Variants in IQCH observed in about 807,000 individuals in gnomAD.
IQCH encodes IQ motif containing H.
A neutral mutation model predicts 117.0 loss-of-function variants in IQCH; 98 were observed. The ratio of observed to expected loss-of-function variants is 0.84; its 90% CI spans 0.71 to 0.99. IQCH has a LOEUF of 0.99. Among genes scored for constraint, IQCH ranks in the 50% least tolerant of loss-of-function variants. The pLI is 0.00. For missense variants in IQCH, 1,102 were observed against 1,243.8 expected (o/e 0.89, Z 1.72); for synonymous variants, 412 against 448.2 (o/e 0.92, Z 1.02).
rs2082140662 is a variant in IQCH, at chr15:67,436,551, G to A, written c.2505+14974G>A. ...GCTAAAGTTTGTAACAACTTGAACA[G>A]GGTGAGAAGCCTCCTGGCGAGAACT... On this transcript the variant is annotated intron_variant, in intron 16 of 20. Coordinates refer to ENST00000335894, the MANE Select transcript of IQCH (RefSeq NM_001031715.3). This position sits in a 1 kb window ranked among gnomAD's most constrained non-coding sequence, Gnocchi z 5.1. Among the ~76,000 whole-genome samples the A allele has an allele frequency of 1.3e-5, 2 of 152,190 alleles. No individual in the cohort carries two copies. Among genetic ancestry groups the A allele is most frequent in the Non-Finnish European group, 2.9e-5 (2 of 68,026 alleles).
chr15:67,362,477 C>T lies in IQCH; in HGVS notation c.753+2592C>T, dbSNP rs534000669. On this transcript the variant is annotated intron_variant, in intron 8 of 20. Transcript: ENST00000335894. ...CAATTGTTACTTTCTTTAGTATTTT[C>T]CCACCATATACTTCTGATCCTGTCA... Among the ~76,000 whole-genome samples, 182 of 152,220 alleles carry T rather than the reference C, an allele frequency of 1.2e-3. 1 individual carries two copies. The South Asian group carries it at 0.034, about 29-fold the overall frequency.
At chr15:67,328,326 C>T (rs772282694) in intron 4 of IQCH, among the ~76,000 whole-genome samples, 3 of 152,078 alleles carry the variant, frequency 2.0e-5, no homozygotes, top group Admixed American at 6.5e-5. Flanking sequence ...TGCTCCTTCC[C>T]GGAAAGTCTT....
intron 15 of IQCH, among the ~76,000 whole-genome samples, chr15:67,419,355 C>T (rs1442211287): frequency 6.6e-6 from 1 of 152,076 alleles, no homozygotes; most frequent in Admixed American, 6.6e-5. Context: ...TACAGCAGGC[C>T]CTGCATCAAT....
At chr15:67,287,809 GTTCT>G (rs1320105380) in intron 4 of IQCH, among the ~76,000 whole-genome samples, 1 of 151,676 alleles carries the variant, frequency 6.6e-6, no homozygotes, top group African/African-American at 2.4e-5. Flanking sequence ...TGATTTTCTA[GTTCT>G]TTAAGATGTA....
chr15:67,327,977 ATAGCCACTCTGCCTCTCATAGTC>A (rs966109863), intron 4 of IQCH, among the ~76,000 whole-genome samples: 9 of 152,280 alleles, frequency 5.9e-5, no homozygotes, highest in African/African-American at 2.2e-4. Flanking sequence ...TTCTTGAATT[ATAGCCACTCTGCCTCTCATAGTC>A]TGAGAAGTAC....
Position 67,385,969 on chromosome 15 carries a change from A to G in IQCH, c.1456+950A>G, listed in dbSNP as rs1486288465. Among the ~76,000 whole-genome samples the G allele has an allele frequency of 6.6e-6, 1 of 152,172 alleles. No homozygotes were observed. The highest frequency in any genetic ancestry group is 2.4e-5 in the African/African-American group (1 of 41,458). ...TTTCAGCATCATTATTATTTTATAA[A>G]TGCTATTTGGTATCAAAAAATACAT... On this transcript the variant is annotated intron_variant, in intron 11 of 20. Transcript: ENST00000335894. This position sits in a 1 kb window ranked among gnomAD's most constrained non-coding sequence, Gnocchi z 4.6.
chr15:67,499,297 CAAAAAAAAAAAAA>C (rs59618730), intron 20 of IQCH, among the ~76,000 whole-genome samples: 1 of 49,148 alleles, frequency 2.0e-5, no homozygotes, highest in Admixed American at 3.7e-4. Context: ...AGACCTGTCC[CAAAAAAAAAAAAA>C]AAAAAAAAAA....
At chr15:67,348,544 G>A (rs2140703912) in intron 6 of IQCH, among the ~76,000 whole-genome samples, 1 of 152,110 alleles carries the variant, frequency 6.6e-6, no homozygotes, top group East Asian at 1.9e-4. Context: ...TAAATACTTA[G>A]GTATAAAGCT....
chr15:67,371,145 A>T (rs1011723569), intron 8 of IQCH, among the ~76,000 whole-genome samples: 9 of 152,154 alleles, frequency 5.9e-5, no homozygotes, highest in Non-Finnish European at 1.2e-4. Context: ...GGGTTTACTG[A>T]CGAGAACTCA....
At chr15:67,284,667 T>C (rs1966493359) in intron 4 of IQCH, among the ~76,000 whole-genome samples, 4 of 152,164 alleles carry the variant, frequency 2.6e-5, no homozygotes. Context: ...TATGTGTCCA[T>C]GTGTTCTTAT....
At chr15:67,389,645 A>G (rs1288361631) in intron 12 of IQCH, among the ~76,000 whole-genome samples, 2 of 152,332 alleles carry the variant, frequency 1.3e-5, no homozygotes, top group Non-Finnish European at 2.9e-5. Context: ...CACTTTAACA[A>G]GAATTTAAAC....
intron 6 of IQCH, among the ~76,000 whole-genome samples, chr15:67,355,491 G>A (rs775404967): frequency 3.3e-5 from 5 of 151,930 alleles, no homozygotes; most frequent in Admixed American, 6.5e-5. Flanking sequence ...TCTGGAGGCC[G>A]AAGCAGGAGA....
intron 4 of IQCH, among the ~76,000 whole-genome samples, chr15:67,301,003 C>A (rs11631968): frequency 6.6e-6 from 1 of 152,072 alleles, no homozygotes; most frequent in Admixed American, 6.6e-5. Context: ...AAACCAGAGT[C>A]TAAATGAGAG....
intron 18 of IQCH, among the ~76,000 whole-genome samples, chr15:67,483,809 C>T (rs754620265): frequency 6.6e-6 from 1 of 152,076 alleles, no homozygotes; most frequent in Non-Finnish European, 1.5e-5. Context: ...GTGTGGATGC[C>T]GTTTAAATCC....
chr15:67,437,632 T>G (rs1178269384), intron 16 of IQCH, among the ~76,000 whole-genome samples: 3 of 152,032 alleles, frequency 2.0e-5, no homozygotes, highest in Non-Finnish European at 4.4e-5. Flanking sequence ...TGAAGCCCAA[T>G]GCAAGGAAAT....
chr15:67,355,422 C>T, intron 6 of IQCH, among the ~76,000 whole-genome samples: 1 of 151,474 alleles, frequency 6.6e-6, no homozygotes, highest in East Asian at 1.9e-4. Context: ...CCGTCTCTAC[C>T]AAAAAATACA....
intron 19 of IQCH, among the ~76,000 whole-genome samples, chr15:67,492,696 G>A (rs555218823): frequency 1.2e-4 from 19 of 152,292 alleles, no homozygotes; most frequent in African/African-American, 4.3e-4. Flanking sequence ...GGAGCAGGAC[G>A]TGTGTCCTGG....
At chr15:67,307,296 G>C (rs1438804978) in intron 4 of IQCH, 1 of 407,780 alleles carries the variant, frequency 2.5e-6, no homozygotes, top group Non-Finnish European at 3.3e-6. Flanking sequence ...TGAGTCATAT[G>C]TTATGCAGTG....
Position 67,274,488 on chromosome 15 carries a change from C to T in IQCH, c.270-4907C>T, listed in dbSNP as rs143012759. On this transcript the variant is annotated intron_variant, in intron 3 of 20. Coordinates refer to ENST00000335894, the MANE Select transcript of IQCH (RefSeq NM_001031715.3). ...TTTTAGTTCAGCAAATGTATTTCAA[C>T]ATTTCTGTTTGGTTTTATTTTTATT... Among the ~76,000 whole-genome samples, 61 of 152,226 alleles carry T rather than the reference C, an allele frequency of 4.0e-4. 2 individuals carry two copies. In the East Asian group the frequency reaches 0.012, roughly 29 times the overall value.
Sources: allele counts gnomAD v4.1 joint callset (sites outside exome capture counted in the v4.1 genomes callset), GRCh38; gene constraint gnomAD v4.1.1; non-coding constraint Gnocchi (gnomAD v3.1); transcripts MANE v1.5; gene names NCBI Gene and HGNC (gene_info 2026-07-23, HGNC 2026-07-21).